Variants in SPON2 observed in about 807,000 individuals in gnomAD.
The protein encoded by SPON2 is spondin-2.
In SPON2, 32 loss-of-function variants were observed where a neutral mutation model predicts 29.9. The observed-to-expected ratio is 1.07, with a 90% CI of 0.81 to 1.44. The LOEUF (loss-of-function observed/expected upper bound fraction) is 1.44, where lower values mean the gene tolerates loss of function less well. Ranked by LOEUF, SPON2 falls within the 40% of genes most tolerant of loss-of-function variation. The pLI, the probability that SPON2 is intolerant of heterozygous loss-of-function variation, is 0.00. For synonymous variants in SPON2, 248 were observed against 209.1 expected, an observed-to-expected ratio of 1.19 and a Z score of -1.61; for missense variants, 541 against 455.5, an observed-to-expected ratio of 1.19 and a Z score of -1.71.
chr4:1,184,323 G>T (rs1727752813), intron 1 of SPON2, among the ~76,000 whole-genome samples: 1 of 152,154 alleles, frequency 6.6e-6, no homozygotes, highest in African/African-American at 2.4e-5. Context: ...GACAGAGATT[G>T]GCAGAATGAA....
At chr4:1,171,638 G>T in intron 2 of SPON2, 152 bp from the exon 3 acceptor site, 2 of 891,530 alleles carry the variant, frequency 2.2e-6, no homozygotes, top group Non-Finnish European at 3.4e-6. Context: ...GGCTGCCCCT[G>T]CCGCGACCCA....
At chr4:1,206,154 C>T (rs1036432448) in intron 1 of SPON2, among the ~76,000 whole-genome samples, 2 of 152,198 alleles carry the variant, frequency 1.3e-5, no homozygotes, top group African/African-American at 4.8e-5. Context: ...AAGGCTGACC[C>T]GGGGCCATGA....
At position 1,172,004 on chromosome 4, in the gene SPON2, C is replaced by G. The variant is rs755560988; in HGVS notation, c.68G>C (p.Gly23Ala). 1 of 1,612,776 alleles carries G rather than the reference C, an allele frequency of 6.2e-7. No individual in the cohort carries two copies. The highest frequency in any genetic ancestry group is 1.7e-5 in the Admixed American group (1 of 60,024). Residue 23 changes from glycine to alanine, a missense_variant, in exon 2 of 6, where the codon GGC (glycine) becomes GCC (alanine). By Grantham distance (60) the Gly-to-Ala change is moderately conservative. Transcript: ENST00000290902. ...TCCCCCAAGAGGCTGGCCGGCGGCG[C>G]CGAGAGTGGCCAGGAGGAGAGCGCA... ...ALCALLLATL[G>A]AAGQPLGGES... is the part of the protein sequence containing the mutation.
chr4:1,201,284 C>T (rs533506456), intron 1 of SPON2: 5 of 378,964 alleles, frequency 1.3e-5, no homozygotes, highest in East Asian at 7.5e-5. Flanking sequence ...CTGAGTGTCC[C>T]GGCCGTGAGT....
upstream of SPON2, chr4:1,196,955 C>T (rs1728083448): frequency 6.6e-6 from 1 of 152,264 alleles, no homozygotes; most frequent in South Asian, 2.1e-4. Context: ...TAAGTAGGGC[C>T]TGTGATGTCA....
chr4:1,167,469 G>A lies in SPON2; in HGVS notation c.*3C>T, dbSNP rs747100809. On this transcript the variant is annotated 3_prime_UTR_variant, in exon 6 of 6. Coordinates refer to ENST00000290902, the MANE Select transcript of SPON2 (RefSeq NM_012445.4). Reference sequence around the variant, plus strand: ...GGGCCCCAGGGGCTGCGGGGCTCTGGTCTTAGACGCAGTTATCAGGGACGC... The same window carrying A: ...GGGCCCCAGGGGCTGCGGGGCTCTGATCTTAGACGCAGTTATCAGGGACGC... 3.7e-6 allele frequency: 6 copies of A among 1,612,286 alleles called. No individual in the cohort carries two copies. In the East Asian group the frequency reaches 6.7e-5, roughly 18 times the overall value.
chr4:1,201,250 G>A (rs1195622668), intron 1 of SPON2: 1 of 399,836 alleles, frequency 2.5e-6, no homozygotes, highest in Non-Finnish European at 5.2e-6. Context: ...GCCATGCTGG[G>A]GCCCCATGCC....
chr4:1,174,296 G>A (rs1727545039), upstream of SPON2, among the ~76,000 whole-genome samples: 1 of 152,062 alleles, frequency 6.6e-6, no homozygotes, highest in Non-Finnish European at 1.5e-5. Context: ...AGACCAGCCT[G>A]GCCAACATGG....
rs374045107 is a variant in SPON2, at chr4:1,206,568, C to T, written c.-234+1312G>A. On this transcript the variant is annotated intron_variant, in intron 1 of 3. Transcript: ENST00000509233. ...TGTGTCCCCTGTGGGAGGGCTGGGG[C>T]GCCCAGCAAAAGCAGCAGCTCCTCA... 7.1e-4 allele frequency among the ~76,000 whole-genome samples: 108 copies of T among 152,256 alleles called. 1 individual carries two copies. The South Asian group carries it at 0.02, about 28-fold the overall frequency.
intron 2 of SPON2, among the ~76,000 whole-genome samples, chr4:1,178,503 C>T (rs1475707027): frequency 6.6e-6 from 1 of 152,132 alleles, no homozygotes; most frequent in East Asian, 1.9e-4. Flanking sequence ...CACCCGCTGA[C>T]TTCCTCCCTG....
chr4:1,203,349 CAT>C (rs1037130433), intron 1 of SPON2, among the ~76,000 whole-genome samples: 5 of 152,214 alleles, frequency 3.3e-5, no homozygotes, highest in Non-Finnish European at 5.9e-5. Context: ...TAAATGGTCT[CAT>C]GTGATATGTG....
intron 5 of SPON2, chr4:1,169,688 G>A (rs979285002): frequency 6.6e-6 from 1 of 152,360 alleles, no homozygotes; most frequent in Non-Finnish European, 1.5e-5. Context: ...GTGGGCTCCA[G>A]TTCCTCCTCG....
chr4:1,186,307 G>GC (rs1727803945), intron 1 of SPON2, among the ~76,000 whole-genome samples: 1 of 137,808 alleles, frequency 7.3e-6, no homozygotes, highest in African/African-American at 2.6e-5. Context: ...GGGAGAAAAT[G>GC]TTTTTTTTTT....
At chr4:1,204,014 G>A (rs1174119730) in intron 1 of SPON2, among the ~76,000 whole-genome samples, 1 of 152,134 alleles carries the variant, frequency 6.6e-6, no homozygotes, top group Non-Finnish European at 1.5e-5. Flanking sequence ...GGGATTACAG[G>A]CGTGCACCAC....
chr4:1,174,359 C>T (rs1727546067), upstream of SPON2, among the ~76,000 whole-genome samples: 1 of 151,754 alleles, frequency 6.6e-6, no homozygotes, highest in African/African-American at 2.4e-5. Flanking sequence ...TGGTGGTGCA[C>T]GCCAGTAATC....
upstream of SPON2, among the ~76,000 whole-genome samples, chr4:1,195,489 T>TCCGCCCCCCCCCCCCCCCCCCC (rs1728045728): frequency 1.4e-5 from 2 of 145,912 alleles, no homozygotes; most frequent in South Asian, 2.3e-4. Context: ...CACCTGAACC[T>TCCGCCCCCCCCCCCCCCCCCCC]CCCCCCGCCT....
intron 1 of SPON2, among the ~76,000 whole-genome samples, chr4:1,186,227 G>C (rs547784147): frequency 1.4e-5 from 2 of 145,526 alleles, no homozygotes; most frequent in Non-Finnish European, 3.0e-5. Flanking sequence ...TTGGGTGACA[G>C]AGCGAGACTC....
chr4:1,184,465 A>G (rs1727755769), intron 1 of SPON2, among the ~76,000 whole-genome samples: 1 of 152,226 alleles, frequency 6.6e-6, no homozygotes, highest in African/African-American at 2.4e-5. Context: ...AGCAGCAGAA[A>G]AAACCACTCT....
chr4:1,189,436 C>T (rs966029410), intron 1 of SPON2, among the ~76,000 whole-genome samples: 13 of 151,620 alleles, frequency 8.6e-5, no homozygotes, highest in Non-Finnish European at 1.5e-4. Flanking sequence ...GCAGGCAGAT[C>T]TCTTGAGCTC....
Sources: allele counts gnomAD v4.1 joint callset (sites outside exome capture counted in the v4.1 genomes callset), GRCh38; gene constraint gnomAD v4.1.1; transcripts MANE v1.5; gene names NCBI Gene and HGNC (gene_info 2026-07-23, HGNC 2026-07-21).